AIPL1: variants seen among roughly 807,000 people sequenced by gnomAD.
AIPL1 encodes the protein aryl-hydrocarbon-interacting protein-like 1.
AIPL1 carries 23 observed loss-of-function variants against 32.9 expected under a neutral mutation model. That is an observed-to-expected ratio of 0.70 (90% confidence interval 0.50 to 0.99). The LOEUF (loss-of-function observed/expected upper bound fraction) is 0.99. AIPL1 is among the 50% of genes least tolerant of loss of function. The probability of loss-of-function intolerance (pLI) is 0.00; values close to 1 mark genes in which losing one functional copy is unlikely to be tolerated. For missense variants in AIPL1, 485 were observed against 506.0 expected, an observed-to-expected ratio of 0.96 and a Z score of 0.40; for synonymous variants, 210 against 209.4, an observed-to-expected ratio of 1.00 and a Z score of -0.02.
chr17:6,429,640 C>T (rs925652130), intron 2 of AIPL1, among the ~76,000 whole-genome samples: 4 of 152,330 alleles, frequency 2.6e-5, no homozygotes, highest in Non-Finnish European at 5.9e-5. Context: ...ACTGCCCTCA[C>T]TTATTTATGT....
intron 1 of AIPL1, 121 bp downstream of exon 1, chr17:6,434,888 C>G (rs1161119119): frequency 6.5e-7 from 1 of 1,533,438 alleles, no homozygotes; most frequent in Non-Finnish European, 8.8e-7. Context: ...AGGCCCAGCG[C>G]TGGGGCTGCC....
intron 5 of AIPL1, 188 bp from the exon 6 acceptor site, chr17:6,426,018 C>T (rs1381176055): frequency 9.7e-7 from 1 of 1,030,244 alleles, no homozygotes; most frequent in African/African-American, 1.6e-5. Context: ...AGTACCTCCT[C>T]CTCTCCTTTT....
intron 2 of AIPL1, among the ~76,000 whole-genome samples, chr17:6,432,368 C>T (rs1180889784): frequency 4.3e-5 from 6 of 140,856 alleles, no homozygotes; most frequent in South Asian, 2.4e-4. Flanking sequence ...AGCAAGACTC[C>T]GTCTCAAAAA....
chr17:6,426,308 A>G (rs1410212649), intron 5 of AIPL1: 1 of 1,364,200 alleles, frequency 7.3e-7, no homozygotes, highest in East Asian at 2.9e-5. Context: ...CGACATCATA[A>G]TATTTTTCCC....
At chr17:6,428,239 G>A (rs1912189388) in intron 3 of AIPL1, 79 bp downstream of exon 3, 7 of 1,501,400 alleles carry the variant, frequency 4.7e-6, no homozygotes, top group South Asian at 4.5e-5. Flanking sequence ...AGTGGCCAGT[G>A]GGGTGGGGGT....
chr17:6,430,889 AG>A (rs767426955), intron 2 of AIPL1, among the ~76,000 whole-genome samples: 5 of 152,374 alleles, frequency 3.3e-5, no homozygotes, highest in East Asian at 1.9e-4. Context: ...AGAAAAACAC[AG>A]GGACTGCTAC....
At position 6,426,968 on chromosome 17, in the gene AIPL1, T is replaced by A; in HGVS notation, c.555A>T (p.Gly185=). The part of the protein sequence containing the change: ...MKAVPVLHGE[G]NRLFKLGRYE... ...AGCGGCCCAGCTTGAAGAGCCGATT[T>A]CCCTCTCCGTGGAGGACGGGCACCG... Residue 185 remains glycine, a synonymous_variant, in exon 4 of 6, where the codon GGA becomes GGT. Coordinates refer to ENST00000381129, the MANE Select transcript of AIPL1 (RefSeq NM_014336.5). The A allele has an allele frequency of 6.2e-7, 1 of 1,614,182 alleles. No homozygotes were observed. Among genetic ancestry groups the A allele is most frequent in the Non-Finnish European group, 8.5e-7 (1 of 1,180,026 alleles).
intron 2 of AIPL1, 99 bp from the exon 3 acceptor site, chr17:6,428,605 G>A (rs1032907358): frequency 3.5e-6 from 4 of 1,133,656 alleles, no homozygotes; most frequent in Non-Finnish European, 5.3e-6. Context: ...GAGGAATCCT[G>A]CTCCCTCACT....
intron 1 of AIPL1, among the ~76,000 whole-genome samples, chr17:6,434,584 T>A (rs1267202709): frequency 6.6e-6 from 1 of 152,120 alleles, no homozygotes; most frequent in Non-Finnish European, 1.5e-5. Flanking sequence ...GGTCTCGAAC[T>A]CTTGACCTCA....
intron 2 of AIPL1, among the ~76,000 whole-genome samples, chr17:6,429,497 G>C (rs925432001): frequency 4.6e-5 from 7 of 152,194 alleles, no homozygotes; most frequent in Admixed American, 1.3e-4. Context: ...ATTAGAGCTG[G>C]ACCAAGGGAG....
At chr17:6,426,512 G>T (rs1037897112) in intron 5 of AIPL1, 103 bp downstream of exon 5, 6 of 1,532,650 alleles carry the variant, frequency 3.9e-6, no homozygotes, top group Non-Finnish European at 5.2e-6. Context: ...AAGGTTTGGT[G>T]CCCTGGTGGG....
Position 6,428,487 on chromosome 17 carries a change from A to G in AIPL1, c.296T>C (p.Ile99Thr). Residue 99 changes from isoleucine to threonine, a missense_variant, in exon 3 of 6, where the codon ATC (isoleucine) becomes ACC (threonine). Transcript: ENST00000381129. The stretch of plus-strand genomic sequence containing the variant: ...CATCTGCCTCAGGCTCCGGGATAGG[A>G]TGGGGTAGACCCCCGTGTGCTGTGG... ...CDTIHTGVYPILSRSLRQMAQ... is the reference protein window; with the variant it reads ...CDTIHTGVYPTLSRSLRQMAQ... The G allele has an allele frequency of 6.2e-7, 1 of 1,613,924 alleles. No individual in the cohort carries two copies. The highest frequency in any genetic ancestry group is 1.1e-5 in the South Asian group (1 of 91,090).
Position 6,426,996 on chromosome 17 carries a change from T to A in AIPL1, c.527A>T (p.Lys176Met). 1 of 1,614,204 alleles carries A rather than the reference T, an allele frequency of 6.2e-7. No individual in the cohort carries two copies. The highest frequency in any genetic ancestry group is 8.5e-7 in the Non-Finnish European group (1 of 1,180,048). ...CTCTCCGTGGAGGACGGGCACCGCCTTCATCTTCTCATGATTGCTCAGGTT... is the reference window on the plus strand; with the variant it reads ...CTCTCCGTGGAGGACGGGCACCGCCATCATCTTCTCATGATTGCTCAGGTT... ...TWNLSNHEKMKAVPVLHGEGN... is the reference protein window; with the variant it reads ...TWNLSNHEKMMAVPVLHGEGN... Residue 176 changes from lysine (K) to methionine (M), a missense_variant, in exon 4 of 6, where the codon AAG becomes ATG. By Grantham distance (95) the Lys-to-Met change is moderately conservative (BLOSUM62 -1). Coordinates refer to ENST00000381129, the MANE Select transcript of AIPL1 (RefSeq NM_014336.5).
intron 1 of AIPL1, among the ~76,000 whole-genome samples, chr17:6,434,554 T>TTTC (rs1325165109): frequency 6.6e-6 from 1 of 151,688 alleles, no homozygotes; most frequent in Non-Finnish European, 1.5e-5. Flanking sequence ...AGAGATGGGG[T>TTTC]TTCACATGTT....
Position 6,425,313 on chromosome 17 carries a change from T to TTTG in AIPL1, c.*146_*147insCAA. 6.0e-5 allele frequency: 64 copies of TTTG among 1,065,438 alleles called. 1 individual carries two copies. The highest frequency in any genetic ancestry group is 7.9e-5 in the Non-Finnish European group (61 of 775,180). The allele number at this position is 1,065,438 out of a possible 1,614,324, so 66.0% of individuals were successfully genotyped here. On this transcript the variant is annotated 3_prime_UTR_variant, in exon 6 of 6. Coordinates refer to ENST00000381129, the MANE Select transcript of AIPL1 (RefSeq NM_014336.5). Reference sequence around the variant, plus strand: ...CTTCTGTACCCTTGGGATTGTTTTTTTTTTTTTTTTTACCATGGGTGTGTC... The same window carrying TTTG: ...CTTCTGTACCCTTGGGATTGTTTTTTTTGTTTTTTTTTTTACCATGGGTGTGTC...
rs553563740 is a variant in AIPL1, at chr17:6,425,304, A to G, written c.*156T>C. The stretch of plus-strand genomic sequence containing the variant: ...TCATAAGCTCTTCTGTACCCTTGGG[A>G]TTGTTTTTTTTTTTTTTTTTACCAT... On this transcript the variant is annotated 3_prime_UTR_variant, in exon 6 of 6. Transcript: ENST00000381129. 4 of 779,232 alleles carry G rather than the reference A, an allele frequency of 5.1e-6. No homozygotes were observed. In the East Asian group the frequency reaches 8.8e-5, roughly 17 times the overall value. 48.3% of individuals were successfully genotyped at this position (779,232 alleles called of 1,614,324 possible).
In AIPL1 at chr17:6,428,391, G is replaced by T; in HGVS notation, c.392C>A (p.Thr131Lys). The change falls in exon 3 of 6, where the codon ACG becomes AAG. Residue 131 changes from threonine to lysine, a missense_variant. Physicochemically the swap from Thr to Lys is moderately conservative, Grantham distance 78 (BLOSUM62 -1). Transcript: ENST00000381129. ...CGLANMFAYH[T>K]LGYEDLDELQ... ...CTCGTCCAGGTCCTCGTAGCCCAGC[G>T]TGTGGTAGGCGAACATGTTGGCCAG... The T allele has an allele frequency of 1.2e-6, 2 of 1,613,050 alleles. No homozygotes were observed. Among genetic ancestry groups the T allele is most frequent in the African/African-American group, 1.3e-5 (1 of 75,062 alleles).
intron 2 of AIPL1, among the ~76,000 whole-genome samples, chr17:6,433,449 G>A (rs1377562750): frequency 6.6e-6 from 1 of 152,104 alleles, no homozygotes; most frequent in Non-Finnish European, 1.5e-5. Flanking sequence ...ATACAAAAAT[G>A]AGGTGTGGTG....
intron 2 of AIPL1, among the ~76,000 whole-genome samples, chr17:6,429,195 C>A (rs60463279): frequency 0.02 from 3,056 of 152,268 alleles, 109 homozygotes; most frequent in African/African-American, 0.07. Flanking sequence ...TGGGAAGATC[C>A]GCCGTGCGGC....
Sources: gnomAD v4.1 joint callset for allele counts (sites outside exome capture counted in the v4.1 genomes callset) on GRCh38, gnomAD v4.1.1 for gene constraint, MANE v1.5 for transcripts, NCBI Gene and HGNC (gene_info 2026-07-23, HGNC 2026-07-21) for gene names.